Variants in ABR observed in about 807,000 individuals in gnomAD.
The protein encoded by ABR is ABR activator of RhoGEF and GTPase.
A neutral mutation model predicts 107.2 loss-of-function variants in ABR; 35 were observed. The observed-to-expected ratio is 0.33, with a 90% confidence interval of 0.25 to 0.43. ABR has a LOEUF of 0.43. Among genes scored for constraint, ABR ranks in the 20% least tolerant of loss-of-function variants. ABR has a pLI of 1.00. For synonymous variants in ABR, 498 were observed against 462.0 expected, an observed-to-expected ratio of 1.08 and a Z score of -1.00; for missense variants, 815 against 1,115.2, an observed-to-expected ratio of 0.73 and a Z score of 3.83.
chr17:1,222,702 G>A (rs1291339213), intron 1 of ABR, among the ~76,000 whole-genome samples: 4 of 152,090 alleles, frequency 2.6e-5, no homozygotes, highest in East Asian at 1.9e-4. Context: ...ACTTGAGCCC[G>A]GGAGTTCTAG....
At chr17:1,090,749 C>T (rs1256400866) in intron 4 of ABR, among the ~76,000 whole-genome samples, 1 of 152,194 alleles carries the variant, frequency 6.6e-6, no homozygotes, top group South Asian at 2.1e-4. Context: ...GGGAGGAGGC[C>T]TCCAGCCTCT....
chr17:1,114,826 G>A (rs1424577073), intron 2 of ABR, among the ~76,000 whole-genome samples: 3 of 152,128 alleles, frequency 2.0e-5, no homozygotes, highest in East Asian at 1.9e-4. Flanking sequence ...ACAGACAGGA[G>A]AGAGACTATG....
chr17:1,011,761 C>T lies in ABR; in HGVS notation c.2101+85G>A. On this transcript the variant is annotated intron_variant, in intron 19 of 22. Coordinates refer to ENST00000302538, the MANE Select transcript of ABR (RefSeq NM_021962.5). This position sits in a 1 kb window ranked among gnomAD's most constrained non-coding sequence, Gnocchi z 4.8. ...AGCAAGCCTCCTCTCCAGGGAGGCT[C>T]CTGGTTCCCCCGAGCTCTCCTGTCC... 6.8e-7 allele frequency: 1 copy of T among 1,474,518 alleles called. No homozygotes were observed. The highest frequency in any genetic ancestry group is 1.4e-5 in the South Asian group (1 of 69,516). 91.3% of individuals were successfully genotyped at this position (1,474,518 alleles called of 1,614,324 possible). A position where few individuals can be genotyped will look rare whatever the true frequency, so the allele number is the denominator to read the frequency against.
At chr17:1,113,293 T>TTG (rs2038815953) in intron 2 of ABR, among the ~76,000 whole-genome samples, 1 of 143,172 alleles carries the variant, frequency 7.0e-6, no homozygotes, top group Non-Finnish European at 1.5e-5. Context: ...TTTTTTTTTT[T>TTG]TTTTTTTTTT....
At chr17:1,031,797 C>T in intron 16 of ABR, 3 of 1,229,670 alleles carry the variant, frequency 2.4e-6, no homozygotes, top group Non-Finnish European at 2.0e-6. Flanking sequence ...GCGCTCAGTC[C>T]CGGCTGCCAG....
At chr17:1,194,902 TCG>T (rs2042520413) in intron 1 of ABR, among the ~76,000 whole-genome samples, 1 of 131,824 alleles carries the variant, frequency 7.6e-6, no homozygotes, top group Non-Finnish European at 1.6e-5. Context: ...TTCACCCACC[TCG>T]GCCTCCTAAA....
chr17:1,060,897 T>A (rs2033847817), intron 10 of ABR, among the ~76,000 whole-genome samples: 1 of 151,470 alleles, frequency 6.6e-6, no homozygotes, highest in Middle Eastern at 3.2e-3. Context: ...GAGGCTGAGG[T>A]AGAAGAATTG....
chr17:1,057,820 T>C, intron 12 of ABR, 150 bp downstream of exon 12: 1 of 661,962 alleles, frequency 1.5e-6, no homozygotes, highest in Non-Finnish European at 2.7e-6. Flanking sequence ...TCTCAATTAA[T>C]CCGTAACATC....
intron 1 of ABR, among the ~76,000 whole-genome samples, chr17:1,169,626 G>A (rs1006108333): frequency 3.9e-5 from 6 of 152,172 alleles, no homozygotes; most frequent in African/African-American, 1.4e-4. Flanking sequence ...GGGCCGTCGT[G>A]GGTGTGAGCC....
intron 1 of ABR, among the ~76,000 whole-genome samples, chr17:1,158,111 C>T (rs552650936): frequency 1.3e-5 from 2 of 152,226 alleles, no homozygotes; most frequent in East Asian, 3.9e-4. Context: ...CAATGGAATT[C>T]CAGGCAGCTT....
At chr17:1,197,060 C>T (rs1278310286) in intron 1 of ABR, among the ~76,000 whole-genome samples, 2 of 151,540 alleles carry the variant, frequency 1.3e-5, no homozygotes, top group East Asian at 1.9e-4. Context: ...CCGGGAACCC[C>T]GGCTCCCCTG....
chr17:1,013,329 C>T, intron 16 of ABR, 165 bp from the exon 17 acceptor site: 1 of 732,746 alleles, frequency 1.4e-6, no homozygotes, highest in Non-Finnish European at 2.2e-6. Flanking sequence ...TGGGGGGACC[C>T]TAGCCCCCAG....
At chr17:1,205,276 T>G (rs928405063) in intron 1 of ABR, among the ~76,000 whole-genome samples, 4 of 152,166 alleles carry the variant, frequency 2.6e-5, no homozygotes, top group Non-Finnish European at 4.4e-5. Context: ...AAGCCTTAGT[T>G]TTCTCATACA....
intron 3 of ABR, 21 bp from the exon 4 acceptor site, chr17:1,091,871 A>C: frequency 1.2e-6 from 2 of 1,607,622 alleles, no homozygotes; most frequent in South Asian, 1.1e-5. Context: ...CAGAGGAAGA[A>C]AGAGCAGAGG....
intron 2 of ABR, among the ~76,000 whole-genome samples, chr17:1,113,958 A>G (rs1396249547): frequency 6.6e-6 from 1 of 152,070 alleles, no homozygotes; most frequent in Non-Finnish European, 1.5e-5. Context: ...ACTCAAGCCC[A>G]GGAGTTTGAG....
exon 1 of ABR, chr17:1,228,910 A>G (rs2043276769): frequency 6.6e-6 from 1 of 151,440 alleles, no homozygotes; most frequent in Non-Finnish European, 1.5e-5. Context: ...CGGCGCCGCC[A>G]CGGGGGCAGG....
intron 1 of ABR, among the ~76,000 whole-genome samples, chr17:1,217,245 C>T (rs184862240): frequency 1.3e-5 from 2 of 152,206 alleles, no homozygotes; most frequent in Admixed American, 6.5e-5. Context: ...ACCGTCCCCC[C>T]CAAGGCTGCA....
At chr17:1,029,804 C>T (rs2072560798) in intron 16 of ABR, among the ~76,000 whole-genome samples, 1 of 93,914 alleles carries the variant, frequency 1.1e-5, no homozygotes, top group Non-Finnish European at 2.4e-5. Context: ...CCGTCCACCA[C>T]AGCGCTGACC....
intron 16 of ABR, among the ~76,000 whole-genome samples, chr17:1,033,313 G>A (rs1054583890): frequency 1.3e-5 from 2 of 152,178 alleles, no homozygotes; most frequent in African/African-American, 4.8e-5. Context: ...TGTCCTTCGT[G>A]GAAGGCTGGC....
Sources: allele counts gnomAD v4.1 joint callset (sites outside exome capture counted in the v4.1 genomes callset), GRCh38; gene constraint gnomAD v4.1.1; non-coding constraint Gnocchi (gnomAD v3.1); transcripts MANE v1.5; gene names NCBI Gene and HGNC (gene_info 2026-07-23, HGNC 2026-07-21).